The following LRRIQ4 variants were observed in gnomAD, a reference collection of about 807,000 sequenced individuals.
The protein encoded by LRRIQ4 is leucine rich repeats and IQ motif containing 4, also known as leucine-rich repeat and IQ domain-containing protein 4.
LRRIQ4 carries 21 observed loss-of-function variants against 40.1 expected under a neutral mutation model. The observed-to-expected ratio is 0.52, with a 90% confidence interval of 0.37 to 0.75. LRRIQ4 has a LOEUF of 0.75. Ranked by LOEUF, LRRIQ4 falls within the 30% of genes least tolerant of loss-of-function variation. The probability of loss-of-function intolerance (pLI) is 0.00; values close to 1 mark genes in which losing one functional copy is unlikely to be tolerated. For synonymous variants in LRRIQ4, 277 were observed against 277.1 expected (o/e 1.00, Z 0.00); for missense variants, 655 against 660.0 (o/e 0.99, Z 0.08).
Position 169,831,261 on chromosome 3 carries a change from C to CTT in LRRIQ4, c.1333+660_1333+661dup, listed in dbSNP as rs869088396. On this transcript the variant is annotated intron_variant, in intron 4 of 5. Transcript: ENST00000340806. ...CACATGTTTTCAAACTATGGCTATT[C>CTT]TTTTTTTTTTTTTTTTTTTTTTTTT... Among the ~76,000 whole-genome samples the CTT allele has an allele frequency of 8.6e-3, 289 of 33,444 alleles. 57 individuals are homozygous for CTT. The highest frequency in any genetic ancestry group is 0.022 in the African/African-American group (212 of 9,742). The allele number at this position is 33,444 out of a possible 152,430, so 21.9% of individuals were successfully genotyped here.
chr3:169,815,244 A>G (rs1460765427), intron 1 of LRRIQ4, among the ~76,000 whole-genome samples: 1 of 152,218 alleles, frequency 6.6e-6, no homozygotes, highest in Non-Finnish European at 1.5e-5. Flanking sequence ...CATTTTAACA[A>G]TAATTATTAT....
intron 5 of LRRIQ4, among the ~76,000 whole-genome samples, chr3:169,835,364 C>CTGTGTG (rs149888477): frequency 0.016 from 2,298 of 146,474 alleles, 60 homozygotes; most frequent in African/African-American, 0.054. Flanking sequence ...TTGTCTTTTT[C>CTGTGTG]TGTGTGTGTG....
At chr3:169,834,911 T>C (rs1259142616) in intron 5 of LRRIQ4, among the ~76,000 whole-genome samples, 2 of 152,186 alleles carry the variant, frequency 1.3e-5, no homozygotes, top group African/African-American at 4.8e-5. Context: ...ATAAAATTTC[T>C]TACAAATTTT....
In LRRIQ4 at chr3:169,822,045, T is replaced by G. The variant is rs540456125; in HGVS notation, c.124T>G (p.Leu42Val). Residue 42 changes from leucine to valine, a missense_variant, in exon 2 of 6, where the codon TTG (leucine) becomes GTG (valine). Leu to Val is a conservative substitution (Grantham distance 32, BLOSUM62 1). Coordinates refer to ENST00000340806, the MANE Select transcript of LRRIQ4 (RefSeq NM_001080460.3). ...TAATCAGAGCTTGACTGCCATTCCT[T>G]TGGAGATCTTCACATTCACAGAATT... ...ASNQSLTAIP[L>V]EIFTFTELEE... The G allele has an allele frequency of 1.2e-6, 2 of 1,604,976 alleles. No individual in the cohort carries two copies. The highest frequency in any genetic ancestry group is 4.5e-5 in the East Asian group (2 of 44,812).
chr3:169,823,511 C>T (rs996292427), intron 2 of LRRIQ4, among the ~76,000 whole-genome samples: 1 of 152,056 alleles, frequency 6.6e-6, no homozygotes, highest in African/African-American at 2.4e-5. Flanking sequence ...TCATGCCCAG[C>T]TAATTTTTGT....
At chr3:169,834,609 C>T (rs1780264914) in intron 5 of LRRIQ4, among the ~76,000 whole-genome samples, 1 of 152,048 alleles carries the variant, frequency 6.6e-6, no homozygotes, top group Non-Finnish European at 1.5e-5. Context: ...TAAATGTATC[C>T]AGTGGAAACT....
intron 1 of LRRIQ4, among the ~76,000 whole-genome samples, chr3:169,817,505 T>C (rs1482785852): frequency 6.6e-6 from 1 of 152,224 alleles, no homozygotes; most frequent in African/African-American, 2.4e-5. Context: ...TCTTGATCTC[T>C]CCAATGCTGA....
chr3:169,817,690 T>G, intron 1 of LRRIQ4, among the ~76,000 whole-genome samples: 1 of 151,898 alleles, frequency 6.6e-6, no homozygotes, highest in African/African-American at 2.4e-5. Flanking sequence ...ATGACCTTTT[T>G]TGTCTTTTTT....
intron 5 of LRRIQ4, among the ~76,000 whole-genome samples, chr3:169,834,413 G>C (rs1344500756): frequency 2.0e-5 from 3 of 152,212 alleles, no homozygotes; most frequent in Non-Finnish European, 4.4e-5. Context: ...ACACTTGAAA[G>C]AATGAAAGTT....
chr3:169,830,769 C>A, intron 4 of LRRIQ4, 139 bp downstream of exon 4: 1 of 1,021,478 alleles, frequency 9.8e-7, no homozygotes, highest in African/African-American at 1.6e-5. Flanking sequence ...TTGCAGGGCT[C>A]ACTTAGCGAC....
intron 2 of LRRIQ4, among the ~76,000 whole-genome samples, chr3:169,823,568 G>A (rs1779967717): frequency 6.6e-6 from 1 of 152,018 alleles, no homozygotes; most frequent in African/African-American, 2.4e-5. Flanking sequence ...GGCTGGTCTC[G>A]AACTCCTGAC....
chr3:169,837,361 T>A (rs1361167843), intron 5 of LRRIQ4, 118 bp from the exon 6 acceptor site: 2 of 1,147,398 alleles, frequency 1.7e-6, no homozygotes, highest in Non-Finnish European at 2.4e-6. Flanking sequence ...TTTAGAGTTC[T>A]AATCACATCC....
At chr3:169,837,427 C>A in intron 5 of LRRIQ4, 52 bp from the exon 6 acceptor site, 1 of 1,550,270 alleles carries the variant, frequency 6.5e-7, no homozygotes. Flanking sequence ...TAACAATTTC[C>A]AGTTCATTGT....
intron 2 of LRRIQ4, among the ~76,000 whole-genome samples, chr3:169,826,739 G>T (rs1780048548): frequency 6.6e-6 from 1 of 152,174 alleles, no homozygotes; most frequent in African/African-American, 2.4e-5. Flanking sequence ...TGCACAGAAT[G>T]CAGGCATTTT....
intron 2 of LRRIQ4, among the ~76,000 whole-genome samples, chr3:169,827,699 T>A (rs1479021351): frequency 6.6e-6 from 1 of 151,964 alleles, no homozygotes; most frequent in African/African-American, 2.4e-5. Flanking sequence ...ATGGTGAAGC[T>A]GATTTTGGCT....
chr3:169,826,646 G>T (rs1289812721), intron 2 of LRRIQ4, among the ~76,000 whole-genome samples: 1 of 152,144 alleles, frequency 6.6e-6, no homozygotes, highest in Non-Finnish European at 1.5e-5. Flanking sequence ...GCTTTTATGA[G>T]TTAAGTGAAC....
chr3:169,813,526 C>A (rs937610838), intron 1 of LRRIQ4, among the ~76,000 whole-genome samples: 1 of 152,156 alleles, frequency 6.6e-6, no homozygotes, highest in Non-Finnish European at 1.5e-5. Context: ...AGGTAGGGAA[C>A]ATAAGGCCGA....
chr3:169,832,438 A>C (rs1780200321), intron 4 of LRRIQ4, among the ~76,000 whole-genome samples: 1 of 150,892 alleles, frequency 6.6e-6, no homozygotes, highest in South Asian at 2.1e-4. Flanking sequence ...ACTGCACTCC[A>C]GCCTCGGTGA....
rs963890105 is a variant in LRRIQ4, at chr3:169,834,272, G to A, written c.1530+1089G>A. Among the ~76,000 whole-genome samples the A allele has an allele frequency of 2.6e-5, 4 of 152,324 alleles. No individual in the cohort carries two copies. The South Asian group carries it at 6.2e-4, about 24-fold the overall frequency. ...AGCTACTCTGGAGGCTGAGGCAGGA[G>A]AATCGCTTGAACCCAGGAGGCGGGG... On this transcript the variant is annotated intron_variant, in intron 5 of 5. Transcript: ENST00000340806.
Sources: gnomAD v4.1 joint callset for allele counts (sites outside exome capture counted in the v4.1 genomes callset) on GRCh38, gnomAD v4.1.1 for gene constraint, MANE v1.5 for transcripts, NCBI Gene and HGNC (gene_info 2026-07-23, HGNC 2026-07-21) for gene names.